ABI2: variants seen among roughly 807,000 people sequenced by gnomAD.
The protein encoded by ABI2 is abelson interactor 2.
ABI2 carries 25 observed loss-of-function variants against 59.2 expected under a neutral mutation model. That is an observed-to-expected ratio of 0.42 (90% CI 0.31 to 0.59). The LOEUF (loss-of-function observed/expected upper bound fraction) is 0.59, where lower values mean the gene tolerates loss of function less well. Ranked by LOEUF, ABI2 falls within the 20% of genes least tolerant of loss-of-function variation. ABI2 has a pLI of 0.14. For missense variants in ABI2, 545 were observed against 681.8 expected, an observed-to-expected ratio of 0.80 and a Z score of 2.23; for synonymous variants, 213 against 235.5, an observed-to-expected ratio of 0.90 and a Z score of 0.87.
chr2:203,380,524 A>G (rs774449659), intron 3 of ABI2, 140 bp downstream of exon 3: 4 of 493,420 alleles, frequency 8.1e-6, no homozygotes, highest in Non-Finnish European at 1.4e-5. Context: ...ATTCCTTGCT[A>G]CTATAACTGT....
Position 203,356,740 on chromosome 2 carries a change from A to G in ABI2, c.118-10137A>G, listed in dbSNP as rs546856379. ...AGTCTCGAACTCCTGGGCTCAAGCAATCTTCCTGCCTCGACCTCCCAGAGT... is the reference window on the plus strand; with the variant it reads ...AGTCTCGAACTCCTGGGCTCAAGCAGTCTTCCTGCCTCGACCTCCCAGAGT... On this transcript the variant is annotated intron_variant, in intron 1 of 11. Coordinates refer to ENST00000261018, the MANE Select transcript of ABI2 (RefSeq NM_001375670.1). 9.9e-5 allele frequency among the ~76,000 whole-genome samples: 15 copies of G among 152,248 alleles called. No homozygotes were observed. In the South Asian group the frequency reaches 1.7e-3, roughly 17 times the overall value.
chr2:203,383,126 A>G (rs562771298), intron 4 of ABI2: 1 of 154,840 alleles, frequency 6.5e-6, no homozygotes, highest in Admixed American at 6.5e-5. Context: ...TATTCCTCCC[A>G]TCTAATACCC....
intron 1 of ABI2, among the ~76,000 whole-genome samples, chr2:203,338,967 TATATATATATATATAA>T (rs1168494080): frequency 0.052 from 520 of 9,930 alleles, 34 homozygotes; most frequent in East Asian, 0.087. Flanking sequence ...TATATAAATA[TATATATATATATATAA>T]ATATATATAT....
At chr2:203,345,083 T>C (rs1005407481) in intron 1 of ABI2, among the ~76,000 whole-genome samples, 1 of 152,192 alleles carries the variant, frequency 6.6e-6, no homozygotes, top group African/African-American at 2.4e-5. Flanking sequence ...CTGTGGAAGC[T>C]TTCTTCTTAG....
At chr2:203,401,040 C>G (rs1352093376) in intron 8 of ABI2, among the ~76,000 whole-genome samples, 1 of 152,042 alleles carries the variant, frequency 6.6e-6, no homozygotes, top group Non-Finnish European at 1.5e-5. Context: ...TTCAGGATAA[C>G]CTTAGGCACA....
At chr2:203,399,263 T>G (rs2097126811) in intron 8 of ABI2, among the ~76,000 whole-genome samples, 1 of 152,178 alleles carries the variant, frequency 6.6e-6, no homozygotes, top group Non-Finnish European at 1.5e-5. Context: ...TCATTACATG[T>G]GTGGTTTGGA....
intron 2 of ABI2, among the ~76,000 whole-genome samples, chr2:203,369,783 A>G (rs1240360360): frequency 6.6e-6 from 1 of 152,188 alleles, no homozygotes; most frequent in East Asian, 1.9e-4. Flanking sequence ...TGTTAAGTTT[A>G]TACAGAATAT....
chr2:203,379,393 A>G (rs1188964381), intron 2 of ABI2, among the ~76,000 whole-genome samples: 6 of 152,096 alleles, frequency 3.9e-5, no homozygotes, highest in Admixed American at 1.3e-4. Flanking sequence ...GATTACAGGC[A>G]TGTGCTGTCA....
At chr2:203,393,315 G>A (rs2096844680) in intron 5 of ABI2, among the ~76,000 whole-genome samples, 2 of 152,182 alleles carry the variant, frequency 1.3e-5, no homozygotes, top group Admixed American at 6.5e-5. Context: ...CCGGCCTCCC[G>A]AAGTGCTGGG....
intron 1 of ABI2, among the ~76,000 whole-genome samples, chr2:203,352,728 G>A (rs751537733): frequency 2.5e-4 from 38 of 152,132 alleles, no homozygotes; most frequent in Non-Finnish European, 3.1e-4. Context: ...TAAATTTAGC[G>A]TAGCATAAAT....
intron 1 of ABI2, chr2:203,328,887 T>G: frequency 3.4e-6 from 1 of 292,684 alleles, no homozygotes; most frequent in Non-Finnish European, 6.3e-6. Flanking sequence ...TCCTCGCCGC[T>G]CCCGCCCTCG....
At chr2:203,416,548 G>A (rs1462780122) in intron 10 of ABI2, among the ~76,000 whole-genome samples, 1 of 152,080 alleles carries the variant, frequency 6.6e-6, no homozygotes, top group African/African-American at 2.4e-5. Context: ...CGCCTGCTTC[G>A]GCCTCCCAAA....
chr2:203,344,786 G>C (rs2082169224), intron 1 of ABI2, among the ~76,000 whole-genome samples: 1 of 151,898 alleles, frequency 6.6e-6, no homozygotes, highest in Admixed American at 6.6e-5. Flanking sequence ...GACCAATCAG[G>C]ACTCTGTGTC....
chr2:203,391,469 C>G (rs2096739489), intron 5 of ABI2, among the ~76,000 whole-genome samples: 1 of 152,164 alleles, frequency 6.6e-6, no homozygotes, highest in South Asian at 2.1e-4. Context: ...TTAACTCCAA[C>G]TATCCTTTTT....
intron 1 of ABI2, among the ~76,000 whole-genome samples, chr2:203,330,361 A>G (rs565589311): frequency 2.0e-5 from 3 of 150,172 alleles, no homozygotes; most frequent in African/African-American, 7.3e-5. Flanking sequence ...TCAGAGGTTC[A>G]GGCCTGGGCG....
chr2:203,380,297 T>G lies in ABI2; in HGVS notation c.375T>G (p.Ile125Met), dbSNP rs2096029434. The change falls in exon 3 of 12, where the codon ATT becomes ATG. Residue 125 changes from isoleucine (I) to methionine (M), a missense_variant. Physicochemically the swap from Ile to Met is conservative, Grantham distance 10. Around this residue, in one of 4 missense-constraint regions of ABI2, gnomAD observed 410 missense variants for 435.6 expected, o/e 0.94. Coordinates refer to ENST00000261018, the MANE Select transcript of ABI2 (RefSeq NM_001375670.1). The stretch of plus-strand genomic sequence containing the variant: ...ACACTTCAAGGACACATAAGATTAT[T>G]GCTCCAGCCAACCTTGAACGACCAG... ...NKNTSRTHKI[I>M]APANLERPVR... The G allele has an allele frequency of 6.2e-7, 1 of 1,610,124 alleles. No individual in the cohort carries two copies. Among genetic ancestry groups the G allele is most frequent in the African/African-American group, 1.3e-5 (1 of 74,784 alleles).
Position 203,411,391 on chromosome 2 carries a change from A to T in ABI2, c.1279+20A>T. Reference sequence around the variant, plus strand: ...AAAATAGTAAGTTTATGTCTTCTTTATGCTGTAGATCAGATTGTAGGCATA... The same window carrying T: ...AAAATAGTAAGTTTATGTCTTCTTTTTGCTGTAGATCAGATTGTAGGCATA... On this transcript the variant is annotated intron_variant, in intron 10 of 11. Coordinates refer to ENST00000261018, the MANE Select transcript of ABI2 (RefSeq NM_001375670.1). The T allele has an allele frequency of 6.3e-7, 1 of 1,581,590 alleles. No homozygotes were observed. The highest frequency in any genetic ancestry group is 8.7e-7 in the Non-Finnish European group (1 of 1,150,930).
chr2:203,431,830 C>G lies in ABI2; in HGVS notation c.*4478C>G, dbSNP rs1279736580. 1 of 151,946 alleles carries G rather than the reference C, an allele frequency of 6.6e-6. No individual in the cohort carries two copies. Among genetic ancestry groups the G allele is most frequent in the African/African-American group, 2.4e-5 (1 of 41,374 alleles). 9.4% of individuals were successfully genotyped at this position (151,946 alleles called of 1,614,324 possible). A position where few individuals can be genotyped will look rare whatever the true frequency, so the allele number is the denominator to read the frequency against. ...AGCTTATTTTCACATTAAAATGAAA[C>G]CTCTTTTGCAACTTAAGAATTCTAT... is the stretch of plus-strand genomic sequence containing the variant. On this transcript the variant is annotated 3_prime_UTR_variant, in exon 12 of 12. Transcript: ENST00000261018.
At chr2:203,426,181 A>AT (rs1340994097) in intron 11 of ABI2, among the ~76,000 whole-genome samples, 1 of 152,154 alleles carries the variant, frequency 6.6e-6, no homozygotes, top group Non-Finnish European at 1.5e-5. Context: ...TTTCTCATTG[A>AT]TTTATGTGAG....
Sources: allele counts gnomAD v4.1 joint callset (sites outside exome capture counted in the v4.1 genomes callset), GRCh38; gene constraint gnomAD v4.1.1; regional missense constraint gnomAD v4.1.1; transcripts MANE v1.5; gene names NCBI Gene and HGNC (gene_info 2026-07-23, HGNC 2026-07-21).